Variants in DOC2B observed in about 807,000 individuals in gnomAD.
DOC2B encodes double C2-like domain-containing protein beta.
In DOC2B, 21 loss-of-function variants were observed where a neutral mutation model predicts 28.9. The observed-to-expected ratio is 0.73, with a 90% CI of 0.52 to 1.05. The LOEUF (loss-of-function observed/expected upper bound fraction) is 1.05, where lower values mean the gene tolerates loss of function less well. Among genes scored for constraint, DOC2B ranks in the 50% least tolerant of loss-of-function variants. The pLI is 0.00. For missense variants in DOC2B, 384 were observed against 421.1 expected (o/e 0.91, Z 0.77); for synonymous variants, 194 against 178.1 (o/e 1.09, Z -0.71).
chr17:168,809 C>T (rs2040278222), intron 2 of DOC2B, among the ~76,000 whole-genome samples: 1 of 152,260 alleles, frequency 6.6e-6, no homozygotes, highest in African/African-American at 2.4e-5. Context: ...TGCCACCAAA[C>T]ATGTGAGAAG....
chr17:165,923 G>A (rs952976027), intron 2 of DOC2B, among the ~76,000 whole-genome samples: 59 of 152,336 alleles, frequency 3.9e-4, no homozygotes, highest in African/African-American at 1.3e-3. Context: ...TTTGGGCCAC[G>A]TTTCCTGACA....
intron 6 of DOC2B, among the ~76,000 whole-genome samples, chr17:155,500 A>G (rs1054974625): frequency 6.6e-6 from 1 of 151,936 alleles, no homozygotes; most frequent in African/African-American, 2.4e-5. Context: ...GCTGAACTAA[A>G]TTCCTCCCCA....
At position 146,053 on chromosome 17, in the gene DOC2B, C is replaced by G. The variant is rs2040016076; in HGVS notation, c.*1388G>C. The stretch of plus-strand genomic sequence containing the variant: ...AGGCATGGGCCCCAAGATTCAGATA[C>G]TCTCAAGCCTCCTGGGGAGTCTCAC... On this transcript the variant is annotated 3_prime_UTR_variant, in exon 9 of 9. Transcript: ENST00000613549. 6.6e-6 allele frequency: 1 copy of G among 152,270 alleles called. No homozygotes were observed. Among genetic ancestry groups the G allele is most frequent in the Non-Finnish European group, 1.5e-5 (1 of 68,078 alleles). 9.4% of individuals were successfully genotyped at this position (152,270 alleles called of 1,614,324 possible).
Position 181,313 on chromosome 17 carries a change from G to A in DOC2B, c.167C>T (p.Pro56Leu). The change falls in exon 1 of 9, where the codon CCG becomes CTG. Residue 56 changes from proline to leucine, a missense_variant. Coordinates refer to ENST00000613549, the MANE Select transcript of DOC2B (RefSeq NM_003585.5). The surrounding 1 kb of genome is among the most constrained non-coding windows in gnomAD (Gnocchi z 7.0). The stretch of plus-strand genomic sequence containing the variant: ...CACAGCCGGGCGCGCGGGGGCGTCC[G>A]GGGGTGCAGCGGCTCGGGGCCCGGC... ...PDAGPRAAAP[P>L]DAPARPAVAG... 2 of 1,173,106 alleles carry A rather than the reference G, an allele frequency of 1.7e-6. No homozygotes were observed. The highest frequency in any genetic ancestry group is 1.6e-5 in the African/African-American group (1 of 61,798). 72.7% of individuals were successfully genotyped at this position (1,173,106 alleles called of 1,614,324 possible).
chr17:179,747 G>A (rs529437863), intron 1 of DOC2B, among the ~76,000 whole-genome samples: 4 of 150,260 alleles, frequency 2.7e-5, no homozygotes, highest in African/African-American at 9.7e-5. Flanking sequence ...TGGCAGGAAA[G>A]TGGAGGGACA....
At chr17:155,518 GT>G (rs1555522314) in intron 6 of DOC2B, among the ~76,000 whole-genome samples, 1 of 152,056 alleles carries the variant, frequency 6.6e-6, no homozygotes, top group Non-Finnish European at 1.5e-5. Context: ...CCAAGTCTCA[GT>G]TTTCCAGAGT....
intron 5 of DOC2B, 146 bp downstream of exon 5, chr17:161,269 C>T (rs964345982): frequency 5.9e-6 from 5 of 850,658 alleles, no homozygotes; most frequent in Non-Finnish European, 9.3e-6. Context: ...TCACCTCCAC[C>T]CCCTTGACTC....
chr17:174,016 C>T (rs1450430520), intron 1 of DOC2B, among the ~76,000 whole-genome samples: 2 of 152,176 alleles, frequency 1.3e-5, no homozygotes, highest in Non-Finnish European at 2.9e-5. Flanking sequence ...CTTTATAGAA[C>T]AAGTTTGCAG....
In DOC2B at chr17:171,859, G is replaced by C. The variant is rs1163030315; in HGVS notation, c.453+678C>G. On this transcript the variant is annotated intron_variant, in intron 2 of 8. Transcript: ENST00000613549. ...GGGCCGGGCCAGGCTGCAGAGGGGA[G>C]AGCACCAGGGGCCGGGCCAGGCTGC... Among the ~76,000 whole-genome samples, 11 of 3,282 alleles carry C rather than the reference G, an allele frequency of 3.4e-3. 1 individual carries two copies. Among genetic ancestry groups the C allele is most frequent in the Non-Finnish European group, 6.7e-3 (10 of 1,490 alleles). The allele number at this position is 3,282 out of a possible 152,430, so 2.2% of individuals were successfully genotyped here.
intron 6 of DOC2B, among the ~76,000 whole-genome samples, chr17:149,598 C>T (rs1200815241): frequency 1.3e-5 from 2 of 152,056 alleles, no homozygotes; most frequent in African/African-American, 4.8e-5. Flanking sequence ...CTCTGCCTCC[C>T]GGGTTCAAGT....
At chr17:173,848 T>A (rs1257351060) in intron 1 of DOC2B, among the ~76,000 whole-genome samples, 2 of 152,112 alleles carry the variant, frequency 1.3e-5, no homozygotes, top group Non-Finnish European at 2.9e-5. Flanking sequence ...AAAGACTGTG[T>A]TCTTCAGGCT....
At chr17:177,319 A>G (rs1240312670) in intron 1 of DOC2B, among the ~76,000 whole-genome samples, 1 of 152,050 alleles carries the variant, frequency 6.6e-6, no homozygotes, top group South Asian at 2.1e-4. Context: ...ACTCAGTTCA[A>G]CCTCCTTGGT....
In DOC2B at chr17:164,115, G is replaced by A. The variant is rs1310747917; in HGVS notation, c.528+15C>T. On this transcript the variant is annotated intron_variant, in intron 3 of 8. Transcript: ENST00000613549. ...CGGGTGCAGCTGGTGGGCAGGCCTG[G>A]GTGGAACCCCTCACCTTACTGGCTC... is the stretch of plus-strand genomic sequence containing the variant. 15 of 1,548,234 alleles carry A rather than the reference G, an allele frequency of 9.7e-6. No individual in the cohort carries two copies. Among genetic ancestry groups the A allele is most frequent in the Non-Finnish European group, 1.3e-5 (15 of 1,143,890 alleles).
intron 5 of DOC2B, among the ~76,000 whole-genome samples, chr17:157,261 C>T (rs904885372): frequency 6.6e-6 from 1 of 152,214 alleles, no homozygotes; most frequent in Non-Finnish European, 1.5e-5. Context: ...AGCTCCAGCA[C>T]CCTCCTCTGA....
chr17:161,486 G>T lies in DOC2B; in HGVS notation c.694C>A (p.Arg232Ser), dbSNP rs1386869474. The T allele has an allele frequency of 6.4e-7, 1 of 1,551,742 alleles. No individual in the cohort carries two copies. Among genetic ancestry groups the T allele is most frequent in the East Asian group, 2.4e-5 (1 of 40,902 alleles). The change falls in exon 5 of 9, where the codon CGT becomes AGT. Residue 232 changes from arginine to serine, a missense_variant. Transcript: ENST00000613549. ...GGTTTCAGCTTCTTCAGGGGCACAC[G>T]TGTCTCCCCGATGAACTCATTGTGC... Reference protein sequence around the residue: ...FRHNEFIGETRVPLKKLKPNH... With the variant: ...FRHNEFIGETSVPLKKLKPNH...
At chr17:173,446 G>C (rs2040335481) in intron 1 of DOC2B, among the ~76,000 whole-genome samples, 1 of 152,204 alleles carries the variant, frequency 6.6e-6, no homozygotes, top group Non-Finnish European at 1.5e-5. Context: ...CAGAAGCCCA[G>C]AGCCTGCTCC....
chr17:164,976 G>A (rs948928799), intron 2 of DOC2B, among the ~76,000 whole-genome samples: 9 of 152,184 alleles, frequency 5.9e-5, no homozygotes, highest in Non-Finnish European at 1.2e-4. Flanking sequence ...GAGGCAGCTC[G>A]GCGGCTCACA....
At chr17:155,492 T>C (rs1198331182) in intron 6 of DOC2B, among the ~76,000 whole-genome samples, 1 of 152,160 alleles carries the variant, frequency 6.6e-6, no homozygotes, top group Non-Finnish European at 1.5e-5. Flanking sequence ...TCCTTTCTGC[T>C]GAACTAAATT....
At position 164,344 on chromosome 17, in the gene DOC2B, T is replaced by A. The variant is rs1047398990; in HGVS notation, c.454-140A>T. 4.2e-5 allele frequency: 27 copies of A among 649,036 alleles called. No homozygotes were observed. The East Asian group carries it at 5.8e-4, about 14-fold the overall frequency. The allele number at this position is 649,036 out of a possible 1,614,324, so 40.2% of individuals were successfully genotyped here. Reference sequence around the variant, plus strand: ...CACAGAAGCCCCCGGGCCCCACACCTCCAGATGGAGGGAGTGAGGATGGCT... The same window carrying A: ...CACAGAAGCCCCCGGGCCCCACACCACCAGATGGAGGGAGTGAGGATGGCT... On this transcript the variant is annotated intron_variant, in intron 2 of 8. Transcript: ENST00000613549.
Sources: gnomAD v4.1 joint callset for allele counts (sites outside exome capture counted in the v4.1 genomes callset) on GRCh38, gnomAD v4.1.1 for gene constraint, Gnocchi (gnomAD v3.1) non-coding constraint, MANE v1.5 for transcripts, NCBI Gene and HGNC (gene_info 2026-07-23, HGNC 2026-07-21) for gene names.